Variants in UBE2O observed in about 807,000 individuals in gnomAD.
UBE2O encodes ubiquitin conjugating enzyme E2 O.
Under a neutral mutation model 125.8 loss-of-function variants are expected in UBE2O, and 15 were observed. That is an observed-to-expected ratio of 0.12 (90% CI 0.08 to 0.18). The LOEUF is 0.18. UBE2O is among the 10% of genes least tolerant of loss of function. The probability of loss-of-function intolerance (pLI) is 1.00; values close to 1 mark genes in which losing one functional copy is unlikely to be tolerated. For synonymous variants in UBE2O, 708 were observed against 703.2 expected (o/e 1.01, Z -0.11); for missense variants, 1,280 against 1,723.6 (o/e 0.74, Z 4.56).
At chr17:76,419,487 A>C (rs1209716467) in intron 1 of UBE2O, among the ~76,000 whole-genome samples, 2 of 152,156 alleles carry the variant, frequency 1.3e-5, no homozygotes, top group African/African-American at 4.8e-5. Context: ...ATAACTAAGA[A>C]AGCGAGAGTT....
Position 76,391,234 on chromosome 17 carries a change from G to A in UBE2O, c.3588C>T (p.Ser1196=), listed in dbSNP as rs765934813. ...EDGGPAPGEA[S]QGSDSEGGAQ... is the part of the protein sequence containing the mutation. ...CACCGCCCTCTGAGTCTGAGCCCTG[G>A]GAGGCCTCTCCTGGGGCTGGCCCTC... The change falls in exon 18 of 18, where the codon TCC becomes TCT. Residue 1196 remains serine, a synonymous_variant. Transcript: ENST00000319380. The surrounding 1 kb of genome is among the most constrained non-coding windows in gnomAD (Gnocchi z 8.4). The A allele has an allele frequency of 6.2e-7, 1 of 1,613,418 alleles. No homozygotes were observed. The highest frequency in any genetic ancestry group is 8.5e-7 in the Non-Finnish European group (1 of 1,179,750).
At chr17:76,401,911 G>T in intron 5 of UBE2O, 153 bp downstream of exon 5, 1 of 492,894 alleles carries the variant, frequency 2.0e-6, no homozygotes, top group Non-Finnish European at 3.5e-6. Flanking sequence ...AATACTTTCT[G>T]CCTATACCCA....
chr17:76,424,793 G>C (rs989499224), intron 1 of UBE2O, among the ~76,000 whole-genome samples: 2 of 151,630 alleles, frequency 1.3e-5, no homozygotes, highest in Admixed American at 1.3e-4. Context: ...ACTCCAGCCC[G>C]GGCAACAGAG....
At position 76,404,068 on chromosome 17, in the gene UBE2O, A is replaced by T. The variant is rs1167091117; in HGVS notation, c.588+1138T>A. 6.6e-6 allele frequency among the ~76,000 whole-genome samples: 1 copy of T among 152,258 alleles called. No homozygotes were observed. The highest frequency in any genetic ancestry group is 1.9e-4 in the East Asian group (1 of 5,206). ...TCTACAGAGCAGAATGCCAGCTAAA[A>T]GAAATGAGGGGAACAAGGGAGTCAT... On this transcript the variant is annotated intron_variant, in intron 3 of 17. Coordinates refer to ENST00000319380, the MANE Select transcript of UBE2O (RefSeq NM_022066.4). This position sits in a 1 kb window ranked among gnomAD's most constrained non-coding sequence, Gnocchi z 4.3.
Position 76,396,270 on chromosome 17 carries a change from C to G in UBE2O, c.2667G>C (p.Glu889Asp), listed in dbSNP as rs1407126473. 1.9e-6 allele frequency: 3 copies of G among 1,614,244 alleles called. No homozygotes were observed. The highest frequency in any genetic ancestry group is 2.5e-6 in the Non-Finnish European group (3 of 1,180,040). Residue 889 changes from glutamate to aspartate, a missense_variant, in exon 14 of 18, where the codon GAG (glutamate) becomes GAC (aspartate). Glu to Asp is a conservative substitution (Grantham distance 45). Transcript: ENST00000319380. The surrounding 1 kb of genome is among the most constrained non-coding windows in gnomAD (Gnocchi z 6.7). ...CAGGTGACTGCCCCTCGGGCTTGTC[C>G]TCCTTGCGCTCTACGTCGGGCACTG... ...MEAVPDVERK[E>D]DKPEGQSPVK... is the part of the protein sequence containing the mutation.
Position 76,399,800 on chromosome 17 carries a change from T to A in UBE2O, c.1277A>T (p.Glu426Val), listed in dbSNP as rs1331854830. ...DKKGESKTKSEAESASPEETP... is the reference protein window; with the variant it reads ...DKKGESKTKSVAESASPEETP... ...CTCCTCAGGGCTGGCAGACTCCGCT[T>A]CGCTCTTGGTTTTGGATTCCCCCTT... Residue 426 changes from glutamate to valine, a missense_variant, in exon 9 of 18, where the codon GAA becomes GTA. Glu to Val is a moderately radical substitution (Grantham distance 121). Coordinates refer to ENST00000319380, the MANE Select transcript of UBE2O (RefSeq NM_022066.4). This position sits in a 1 kb window ranked among gnomAD's most constrained non-coding sequence, Gnocchi z 6.9. The A allele has an allele frequency of 6.8e-6, 11 of 1,614,218 alleles. No individual in the cohort carries two copies. Among genetic ancestry groups the A allele is most frequent in the Non-Finnish European group, 9.3e-6 (11 of 1,180,036 alleles).
chr17:76,390,652 A>T lies in UBE2O; in HGVS notation c.*291T>A. On this transcript the variant is annotated 3_prime_UTR_variant, in exon 18 of 18. Transcript: ENST00000319380. ...CGCCTCTGACCTGAGAAGGGGCAGC[A>T]AGGGAGCAAGTGCCGGACATTCTGC... 1 of 317,320 alleles carries T rather than the reference A, an allele frequency of 3.2e-6. No homozygotes were observed. Among genetic ancestry groups the T allele is most frequent in the East Asian group, 6.2e-5 (1 of 16,102 alleles). 19.7% of individuals were successfully genotyped at this position (317,320 alleles called of 1,614,324 possible).
rs77720790 is a variant in UBE2O, at chr17:76,430,222, T to C, written c.417+22503A>G. Among the ~76,000 whole-genome samples the C allele has an allele frequency of 8.5e-3, 1,290 of 152,330 alleles. 49 individuals are homozygous for C. Among genetic ancestry groups the C allele is most frequent in the Admixed American group, 0.062 (944 of 15,312 alleles). ...TTGTTTTCTCTCCCATTCTGTGTCC[T>C]TGTGGGTTTATACATCTAAAAACAA... On this transcript the variant is annotated intron_variant, in intron 1 of 17. Transcript: ENST00000319380.
At chr17:76,436,838 T>C (rs566758741) in intron 1 of UBE2O, among the ~76,000 whole-genome samples, 18 of 152,298 alleles carry the variant, frequency 1.2e-4, no homozygotes, top group South Asian at 4.1e-4. Flanking sequence ...AGCATTTATT[T>C]CAACATTTAA....
At position 76,398,325 on chromosome 17, in the gene UBE2O, C is replaced by G. The variant is rs772764202; in HGVS notation, c.1955G>C (p.Arg652Thr). 6.2e-7 allele frequency: 1 copy of G among 1,614,148 alleles called. No homozygotes were observed. ...GATGACGATGTCAGTTGTACGGAACCTAAAGTCAGGGTGGTCAGCAATGTC... is the reference window on the plus strand; with the variant it reads ...GATGACGATGTCAGTTGTACGGAACGTAAAGTCAGGGTGGTCAGCAATGTC... The part of the protein sequence containing the change: ...VYDIADHPDF[R>T]FRTTDIVIRI... The change falls in exon 12 of 18, where the codon AGG (arginine) becomes ACG (threonine). Residue 652 changes from arginine (R) to threonine (T), a missense_variant. This residue lies in a region of UBE2O where 210 missense variants were observed against 268.9 expected (regional missense o/e 0.78). Coordinates refer to ENST00000319380, the MANE Select transcript of UBE2O (RefSeq NM_022066.4). This position sits in a 1 kb window ranked among gnomAD's most constrained non-coding sequence, Gnocchi z 5.4.
At position 76,406,699 on chromosome 17, in the gene UBE2O, T is replaced by TTTG. The variant is rs1480273439; in HGVS notation, c.418-1128_418-1127insCAA. 3.0e-3 allele frequency among the ~76,000 whole-genome samples: 402 copies of TTTG among 131,930 alleles called. 3 individuals are homozygous for TTTG. The highest frequency in any genetic ancestry group is 0.011 in the African/African-American group (388 of 33,986). 86.6% of individuals were successfully genotyped at this position (131,930 alleles called of 152,430 possible). On this transcript the variant is annotated intron_variant, in intron 1 of 17. Coordinates refer to ENST00000319380, the MANE Select transcript of UBE2O (RefSeq NM_022066.4). The stretch of plus-strand genomic sequence containing the variant: ...AACTCATGAGCCCAAGTTGTTTTTT[T>TTTG]TTTTTTTTTTTTTTTTTTGAGATGG...
chr17:76,391,199 A>G lies in UBE2O; in HGVS notation c.3623T>C (p.Leu1208Pro), dbSNP rs1280076440. The G allele has an allele frequency of 6.2e-7, 1 of 1,613,178 alleles. No homozygotes were observed. Among genetic ancestry groups the G allele is most frequent in the South Asian group, 1.1e-5 (1 of 91,018 alleles). Residue 1208 changes from leucine (L) to proline (P), a missense_variant, in exon 18 of 18, where the codon CTG becomes CCG. Leu to Pro is a moderately conservative substitution (Grantham distance 98). Transcript: ENST00000319380. The surrounding 1 kb of genome is among the most constrained non-coding windows in gnomAD (Gnocchi z 8.4). ...GSDSEGGAQG[L>P]ASASRDHTDQ... Reference sequence around the variant, plus strand: ...TGTGTGGTCCCTGCTAGCTGAGGCCAGGCCCTGGGCACCGCCCTCTGAGTC... The same window carrying G: ...TGTGTGGTCCCTGCTAGCTGAGGCCGGGCCCTGGGCACCGCCCTCTGAGTC...
chr17:76,402,177 C>A lies in UBE2O; in HGVS notation c.687-50G>T. ...TCTCCACCAGGGGACACAGTGAGTA[C>A]CAAAAAGTTGCGATTCTGAGATGCC... On this transcript the variant is annotated intron_variant, in intron 4 of 17. Coordinates refer to ENST00000319380, the MANE Select transcript of UBE2O (RefSeq NM_022066.4). The surrounding 1 kb of genome is among the most constrained non-coding windows in gnomAD (Gnocchi z 5.4). 2 of 1,587,760 alleles carry A rather than the reference C, an allele frequency of 1.3e-6. No individual in the cohort carries two copies. The highest frequency in any genetic ancestry group is 1.7e-6 in the Non-Finnish European group (2 of 1,163,794).
intron 1 of UBE2O, among the ~76,000 whole-genome samples, chr17:76,419,123 A>AGTT (rs1567844899): frequency 6.9e-6 from 1 of 145,736 alleles, no homozygotes; most frequent in African/African-American, 2.5e-5. Context: ...ATCTCTACAG[A>AGTT]TTTTTTTTTT....
chr17:76,395,520 A>C lies in UBE2O; in HGVS notation c.2946+205T>G. 1.9e-6 allele frequency: 1 copy of C among 518,536 alleles called. No homozygotes were observed. Among genetic ancestry groups the C allele is most frequent in the Non-Finnish European group, 3.3e-6 (1 of 303,010 alleles). 32.1% of individuals were successfully genotyped at this position (518,536 alleles called of 1,614,324 possible). A position where few individuals can be genotyped will look rare whatever the true frequency, so the allele number is the denominator to read the frequency against. On this transcript the variant is annotated intron_variant, in intron 15 of 17. Coordinates refer to ENST00000319380, the MANE Select transcript of UBE2O (RefSeq NM_022066.4). The surrounding 1 kb of genome is among the most constrained non-coding windows in gnomAD (Gnocchi z 5.0). ...AAAGTAATTTTTTAAAGGAGGGAGGAAAGAAAGAACCATCTGGCCTGGACA... is the reference window on the plus strand; with the variant it reads ...AAAGTAATTTTTTAAAGGAGGGAGGCAAGAAAGAACCATCTGGCCTGGACA...
intron 1 of UBE2O, chr17:76,430,773 T>C (rs1355453161): frequency 4.1e-6 from 1 of 244,926 alleles, no homozygotes; most frequent in African/African-American, 2.3e-5. Flanking sequence ...AAGGTTCCAT[T>C]AAAGATCTGA....
intron 1 of UBE2O, among the ~76,000 whole-genome samples, chr17:76,411,193 T>G (rs899751212): frequency 6.6e-6 from 1 of 152,086 alleles, no homozygotes; most frequent in African/African-American, 2.4e-5. Context: ...TGTAATTTTT[T>G]GTAGAGAAAG....
At position 76,452,895 on chromosome 17, in the gene UBE2O, G is replaced by C; in HGVS notation, c.247C>G (p.His83Asp). Residue 83 changes from histidine (H) to aspartate (D), a missense_variant, in exon 1 of 18, where the codon CAC becomes GAC. Physicochemically the swap from His to Asp is moderately conservative, Grantham distance 81. Transcript: ENST00000319380. The surrounding 1 kb of genome is among the most constrained non-coding windows in gnomAD (Gnocchi z 4.4). ...CCCTCCGAGTCCGAGTCCTCGCCGT[G>C]GATGAGGCGCACCAGCCCGAAGTGC... The part of the protein sequence containing the change: ...SVHFGLVRLI[H>D]GEDSDSEGEE... 1 of 1,498,130 alleles carries C rather than the reference G, an allele frequency of 6.7e-7. No individual in the cohort carries two copies. Among genetic ancestry groups the C allele is most frequent in the Non-Finnish European group, 8.9e-7 (1 of 1,122,912 alleles). 92.8% of individuals were successfully genotyped at this position (1,498,130 alleles called of 1,614,324 possible).
chr17:76,435,641 C>A (rs1192227763), intron 1 of UBE2O, among the ~76,000 whole-genome samples: 1 of 152,172 alleles, frequency 6.6e-6, no homozygotes, highest in Non-Finnish European at 1.5e-5. Context: ...CTCGTGCAAT[C>A]CCCAGTAACT....
Sources: gnomAD v4.1 joint callset for allele counts (sites outside exome capture counted in the v4.1 genomes callset) on GRCh38, gnomAD v4.1.1 for gene constraint, gnomAD v4.1.1 regional missense constraint, Gnocchi (gnomAD v3.1) non-coding constraint, MANE v1.5 for transcripts, NCBI Gene and HGNC (gene_info 2026-07-23, HGNC 2026-07-21) for gene names.